Variants in ABRACL observed in about 807,000 individuals in gnomAD.
ABRACL encodes the protein costars family protein ABRACL.
A neutral mutation model predicts 7.0 loss-of-function variants in ABRACL; 4 were observed. The observed-to-expected ratio is 0.57, with a 90% confidence interval of 0.28 to 1.30. The LOEUF (loss-of-function observed/expected upper bound fraction) is 1.30, where lower values mean the gene tolerates loss of function less well. Ranked by LOEUF, ABRACL falls within the 50% of genes most tolerant of loss-of-function variation. The pLI, the probability that ABRACL is intolerant of heterozygous loss-of-function variation, is 0.10. For missense variants in ABRACL, 104 were observed against 97.3 expected, an observed-to-expected ratio of 1.07 and a Z score of -0.29; for synonymous variants, 30 against 36.0, an observed-to-expected ratio of 0.83 and a Z score of 0.60.
chr6:139,035,327 C>T (rs1038107897), intron 2 of ABRACL, among the ~76,000 whole-genome samples: 8 of 152,052 alleles, frequency 5.3e-5, no homozygotes, highest in South Asian at 4.1e-4. Flanking sequence ...AGGTGTTGGC[C>T]GGGGACTCCT....
At chr6:139,036,754 TG>T (rs1208975169) in intron 2 of ABRACL, among the ~76,000 whole-genome samples, 1 of 151,862 alleles carries the variant, frequency 6.6e-6, no homozygotes, top group Non-Finnish European at 1.5e-5. Flanking sequence ...GGGGCCAAGG[TG>T]GGAGGATCGC....
intron 1 of ABRACL, among the ~76,000 whole-genome samples, chr6:139,033,409 C>T (rs561802914): frequency 2.0e-5 from 3 of 152,350 alleles, no homozygotes; most frequent in South Asian, 2.1e-4. Flanking sequence ...CGTCCCTGTA[C>T]GTCACTGGAT....
chr6:139,038,575 A>G (rs1204557448), intron 2 of ABRACL, among the ~76,000 whole-genome samples: 1 of 152,252 alleles, frequency 6.6e-6, no homozygotes, highest in Non-Finnish European at 1.5e-5. Flanking sequence ...CATTTTTCAT[A>G]TAGCGAAAAA....
chr6:139,038,012 T>G (rs1786190498), intron 2 of ABRACL, among the ~76,000 whole-genome samples: 2 of 152,100 alleles, frequency 1.3e-5, no homozygotes, highest in Middle Eastern at 6.8e-3. Context: ...CCTGGCCTCA[T>G]GTGATCCACC....
At chr6:139,034,437 G>C (rs1786125382) in intron 2 of ABRACL, 33 of 1,487,436 alleles carry the variant, frequency 2.2e-5, no homozygotes, top group Non-Finnish European at 2.9e-5. Context: ...GCAGGGAATA[G>C]TTGAGATATT....
At chr6:139,038,373 T>A (rs568315162) in intron 2 of ABRACL, among the ~76,000 whole-genome samples, 3 of 152,346 alleles carry the variant, frequency 2.0e-5, no homozygotes, top group African/African-American at 7.2e-5. Flanking sequence ...ACTTTCTCAT[T>A]CCTGGCAAAA....
At chr6:139,036,570 T>C (rs1394919649) in intron 2 of ABRACL, among the ~76,000 whole-genome samples, 1 of 152,188 alleles carries the variant, frequency 6.6e-6, no homozygotes, top group Non-Finnish European at 1.5e-5. Context: ...AACAACTGAG[T>C]TGAATCATAT....
intron 1 of ABRACL, among the ~76,000 whole-genome samples, chr6:139,030,248 A>G (rs987121868): frequency 1.3e-5 from 2 of 151,938 alleles, no homozygotes; most frequent in Admixed American, 1.3e-4. Flanking sequence ...TGGTATATCC[A>G]TCACCCTAAA....
At chr6:139,035,648 A>G (rs1390590357) in intron 2 of ABRACL, among the ~76,000 whole-genome samples, 1 of 151,722 alleles carries the variant, frequency 6.6e-6, no homozygotes, top group Non-Finnish European at 1.5e-5. Context: ...ACGCTCAGCT[A>G]ATTTTTATAT....
chr6:139,030,889 A>G (rs565335555), intron 1 of ABRACL, among the ~76,000 whole-genome samples: 6 of 152,354 alleles, frequency 3.9e-5, no homozygotes, highest in South Asian at 4.1e-4. Context: ...TAACGTAGAT[A>G]AGGAGCCTGA....
intron 1 of ABRACL, among the ~76,000 whole-genome samples, chr6:139,030,968 T>A (rs558426503): frequency 1.2e-4 from 18 of 152,326 alleles, no homozygotes; most frequent in African/African-American, 4.3e-4. Flanking sequence ...TACATCTGCT[T>A]ACTATAATGC....
intron 2 of ABRACL, among the ~76,000 whole-genome samples, chr6:139,039,120 G>A (rs1451924096): frequency 6.6e-6 from 1 of 152,040 alleles, no homozygotes; most frequent in Non-Finnish European, 1.5e-5. Context: ...GCTACTTGGG[G>A]AAGCTGAGAC....
At chr6:139,040,442 A>G (rs1358832602) in intron 2 of ABRACL, among the ~76,000 whole-genome samples, 2 of 152,228 alleles carry the variant, frequency 1.3e-5, no homozygotes, top group Non-Finnish European at 2.9e-5. Flanking sequence ...GGTGCCTTTA[A>G]AAATTTTAAC....
chr6:139,039,543 G>T (rs1308734391), intron 2 of ABRACL, among the ~76,000 whole-genome samples: 1 of 152,228 alleles, frequency 6.6e-6, no homozygotes, highest in African/African-American at 2.4e-5. Context: ...TCTAGAAAAG[G>T]TGGCATTTGA....
intron 2 of ABRACL, among the ~76,000 whole-genome samples, chr6:139,035,772 C>T (rs951643030): frequency 6.6e-5 from 10 of 150,786 alleles, no homozygotes; most frequent in Non-Finnish European, 1.2e-4. Context: ...TGTGAGCCAC[C>T]ACACCCGGCC....
At chr6:139,030,922 C>T (rs1385538357) in intron 1 of ABRACL, among the ~76,000 whole-genome samples, 1 of 152,158 alleles carries the variant, frequency 6.6e-6, no homozygotes, top group Non-Finnish European at 1.5e-5. Flanking sequence ...TATAAAGAAA[C>T]GCTGGTTGCC....
chr6:139,034,092 G>A, intron 1 of ABRACL, 63 bp from the exon 2 acceptor site: 2 of 1,602,536 alleles, frequency 1.2e-6, no homozygotes, highest in East Asian at 2.2e-5. Flanking sequence ...AGGGCTCTTG[G>A]ATTTGGATGT....
chr6:139,028,808 A>T lies in ABRACL; in HGVS notation c.-74A>T, dbSNP rs1786031351. 6.6e-6 allele frequency: 1 copy of T among 152,656 alleles called. No homozygotes were observed. Among genetic ancestry groups the T allele is most frequent in the African/African-American group, 2.4e-5 (1 of 41,450 alleles). 9.5% of individuals were successfully genotyped at this position (152,656 alleles called of 1,614,324 possible). ...TGGCCTCACCCTCCCCAGTGCACTG[A>T]AGAAGGTAACCGGGTCCAGACCCAC... On this transcript the variant is annotated 5_prime_UTR_variant, in exon 1 of 3. Coordinates refer to ENST00000367660, the MANE Select transcript of ABRACL (RefSeq NM_021243.3).
At chr6:139,036,316 G>A (rs1421123835) in intron 2 of ABRACL, among the ~76,000 whole-genome samples, 6 of 151,992 alleles carry the variant, frequency 3.9e-5, no homozygotes, top group East Asian at 3.9e-4. Context: ...CCTTCCTGTC[G>A]TAGGGTCCTT....
Sources: gnomAD v4.1 joint callset for allele counts (sites outside exome capture counted in the v4.1 genomes callset) on GRCh38, gnomAD v4.1.1 for gene constraint, MANE v1.5 for transcripts, NCBI Gene and HGNC (gene_info 2026-07-23, HGNC 2026-07-21) for gene names.